FLT3: variants seen among roughly 807,000 people sequenced by gnomAD.
FLT3 encodes fms related receptor tyrosine kinase 3.
In FLT3, 46 loss-of-function variants were observed where a neutral mutation model predicts 126.6. That is an observed-to-expected ratio of 0.36 (90% confidence interval 0.29 to 0.46). FLT3 has a LOEUF of 0.46. Among genes scored for constraint, FLT3 ranks in the 20% least tolerant of loss-of-function variants. The pLI, the probability that FLT3 is intolerant of heterozygous loss-of-function variation, is 1.00. For synonymous variants in FLT3, 404 were observed against 434.4 expected (o/e 0.93, Z 0.87); for missense variants, 1,069 against 1,190.3 (o/e 0.90, Z 1.50).
intron 1 of FLT3, among the ~76,000 whole-genome samples, chr13:28,096,563 A>G (rs1226795068): frequency 6.6e-6 from 1 of 151,972 alleles, no homozygotes; most frequent in African/African-American, 2.4e-5. Flanking sequence ...CAGCCTCCCA[A>G]GTAGCTGGGA....
intron 18 of FLT3, among the ~76,000 whole-genome samples, chr13:28,023,802 C>T (rs1420194938): frequency 2.0e-5 from 3 of 149,766 alleles, no homozygotes; most frequent in African/African-American, 2.5e-5. Context: ...TTGTCTATCC[C>T]TTTTTTTTTT....
intron 2 of FLT3, among the ~76,000 whole-genome samples, chr13:28,065,981 A>G (rs113421711): frequency 0.031 from 4,738 of 152,058 alleles, 244 homozygotes; most frequent in African/African-American, 0.11. Flanking sequence ...TAGTAAAAGA[A>G]TATATAATAA....
intron 17 of FLT3, chr13:28,025,361 C>T (rs754562079): frequency 2.7e-5 from 12 of 451,476 alleles, no homozygotes; most frequent in African/African-American, 4.0e-5. Flanking sequence ...GTCCCGTAAG[C>T]GTTTCACCAT....
At chr13:28,087,239 C>G (rs1198810044) in intron 1 of FLT3, among the ~76,000 whole-genome samples, 1 of 151,554 alleles carries the variant, frequency 6.6e-6, no homozygotes, top group South Asian at 2.1e-4. Context: ...CTGGCCAATT[C>G]TTTTATTTTT....
Position 28,028,274 on chromosome 13 carries a change from A to C in FLT3, c.1957T>G (p.Ser653Ala), listed in dbSNP as rs764406387. The change falls in exon 16 of 24, where the codon TCT becomes GCT. Residue 653 changes from serine to alanine, a missense_variant. Ser to Ala is a moderately conservative substitution (Grantham distance 99, BLOSUM62 1). Coordinates refer to ENST00000241453, the MANE Select transcript of FLT3 (RefSeq NM_004119.3). ...VKMLKEKADS[S>A]EREALMSELK... ...TCTGACATGAGTGCCTCTCTTTCAG[A>C]GCTGTCTGCTTTTTCTGTCAAAGAA... The C allele has an allele frequency of 6.3e-7, 1 of 1,586,718 alleles. No homozygotes were observed. The highest frequency in any genetic ancestry group is 1.3e-5 in the African/African-American group (1 of 74,500).
chr13:28,015,742 C>T (rs1034394115), intron 20 of FLT3, 41 bp from the exon 21 acceptor site: 2 of 1,175,746 alleles, frequency 1.7e-6, no homozygotes, highest in Non-Finnish European at 1.3e-6. Context: ...GAATTTTCCA[C>T]ATACAGACAT....
intron 20 of FLT3, among the ~76,000 whole-genome samples, chr13:28,017,610 C>T (rs1871977020): frequency 2.0e-5 from 3 of 151,838 alleles, no homozygotes; most frequent in Admixed American, 2.0e-4. Context: ...TTTGTAAACA[C>T]ATCTGTCCTT....
intron 1 of FLT3, among the ~76,000 whole-genome samples, chr13:28,072,125 T>C (rs899393809): frequency 2.3e-5 from 2 of 86,754 alleles, no homozygotes; most frequent in African/African-American, 6.2e-5. Context: ...GTACATCATG[T>C]AATTTTCATA....
At chr13:28,090,085 G>A (rs549276473) in intron 1 of FLT3, among the ~76,000 whole-genome samples, 3 of 151,800 alleles carry the variant, frequency 2.0e-5, no homozygotes, top group Admixed American at 1.3e-4. Flanking sequence ...CTGTCACCCA[G>A]GGTGAAGTGT....
At chr13:28,013,545 G>T (rs780372723) in intron 23 of FLT3, among the ~76,000 whole-genome samples, 4 of 152,212 alleles carry the variant, frequency 2.6e-5, no homozygotes, top group Admixed American at 2.0e-4. Flanking sequence ...TCTGGAGATG[G>T]TTCTTTTCAC....
In FLT3 at chr13:28,034,343, G is replaced by T. The variant is rs1873637925; in HGVS notation, c.1662C>A (p.Phe554Leu). Residue 554 changes from phenylalanine (F) to leucine (L), a missense_variant, in exon 13 of 24, where the codon TTC becomes TTA. Transcript: ENST00000241453. ...AAATTAGCAGGGTTAAAACGACAAT[G>T]AAGAGGAGACAAACACCAATTGTTG... ...FYATIGVCLLFIVVLTLLICH... is the reference protein window; with the variant it reads ...FYATIGVCLLLIVVLTLLICH... The T allele has an allele frequency of 2.5e-6, 4 of 1,614,060 alleles. No homozygotes were observed. The highest frequency in any genetic ancestry group is 3.4e-6 in the Non-Finnish European group (4 of 1,179,918).
At chr13:28,072,489 G>A (rs7988090) in intron 1 of FLT3, among the ~76,000 whole-genome samples, 104,654 of 151,848 alleles carry the variant, frequency 0.69, 38,337 homozygotes, top group Non-Finnish European at 0.8. Flanking sequence ...CTCTGTCTCC[G>A]GGGTTTGAGT....
chr13:28,023,201 C>T, intron 19 of FLT3, 149 bp downstream of exon 19: 1 of 765,012 alleles, frequency 1.3e-6, no homozygotes, highest in Non-Finnish European at 2.1e-6. Context: ...TAGCCAAGAG[C>T]CAAGGTAACA....
At chr13:28,029,646 G>A (rs570232509) in intron 15 of FLT3, among the ~76,000 whole-genome samples, 9 of 152,298 alleles carry the variant, frequency 5.9e-5, no homozygotes, top group South Asian at 2.1e-4. Flanking sequence ...ACAGTGTCGT[G>A]AGCATGGTTG....
At chr13:28,079,834 T>G (rs6491261) in intron 1 of FLT3, among the ~76,000 whole-genome samples, 4,181 of 152,126 alleles carry the variant, frequency 0.027, 186 homozygotes, top group African/African-American at 0.095. Context: ...CAATTCAAGT[T>G]GAGATTTGGG....
chr13:28,056,680 G>T (rs1386296454), intron 4 of FLT3, among the ~76,000 whole-genome samples: 1 of 152,182 alleles, frequency 6.6e-6, no homozygotes, highest in Non-Finnish European at 1.5e-5. Flanking sequence ...GTTTGCATAT[G>T]GTCTAGCACG....
intron 1 of FLT3, among the ~76,000 whole-genome samples, chr13:28,098,219 G>T (rs531997454): frequency 5.3e-5 from 8 of 151,368 alleles, no homozygotes; most frequent in African/African-American, 1.7e-4. Context: ...GGAGGCTGAG[G>T]CAGGAGAATC....
rs140599798 is a variant in FLT3 at position 28,021,608 on chromosome 13, A to G, written c.2418+1742T>C. ...TTATTGCTTTTAAGCTTATTTCATTATTATTTTGAATAGACAGACTGGAGG... is the reference window on the plus strand; with the variant it reads ...TTATTGCTTTTAAGCTTATTTCATTGTTATTTTGAATAGACAGACTGGAGG... On this transcript the variant is annotated intron_variant, in intron 19 of 23. Transcript: ENST00000241453. Among the ~76,000 whole-genome samples the G allele has an allele frequency of 2.0e-5, 3 of 152,236 alleles. No homozygotes were observed. In the East Asian group the frequency reaches 5.8e-4, roughly 29 times the overall value.
At chr13:28,012,958 C>T (rs73171840) in intron 23 of FLT3, among the ~76,000 whole-genome samples, 39,347 of 151,456 alleles carry the variant, frequency 0.26, 5,204 homozygotes, top group Non-Finnish European at 0.28. Flanking sequence ...AAGTGTATAG[C>T]TAGACAGCTA....
Sources: gnomAD v4.1 joint callset for allele counts (sites outside exome capture counted in the v4.1 genomes callset) on GRCh38, gnomAD v4.1.1 for gene constraint, MANE v1.5 for transcripts, NCBI Gene and HGNC (gene_info 2026-07-23, HGNC 2026-07-21) for gene names.